CSMD1: variants seen among roughly 807,000 people sequenced by gnomAD.
CSMD1 encodes the protein CUB and sushi domain-containing protein 1.
In CSMD1, 213 loss-of-function variants were observed where a neutral mutation model predicts 417.5. The ratio of observed to expected loss-of-function variants is 0.51; its 90% confidence interval spans 0.46 to 0.57. The LOEUF is 0.57. CSMD1 is among the 20% of genes least tolerant of loss of function. The pLI is 0.00. For synonymous variants in CSMD1, 2,862 were observed against 1,736.8 expected, an observed-to-expected ratio of 1.65 and a Z score of -16.11; for missense variants, 6,923 against 4,529.7, an observed-to-expected ratio of 1.53 and a Z score of -15.17.
intron 2 of CSMD1, among the ~76,000 whole-genome samples, chr8:4,425,280 G>A (rs1159100557): frequency 4.0e-5 from 6 of 151,288 alleles, no homozygotes; most frequent in Non-Finnish European, 8.8e-5. Context: ...CTGTTCAGAG[G>A]TTTGGGGTAA....
intron 3 of CSMD1, among the ~76,000 whole-genome samples, chr8:4,143,549 C>A (rs985688494): frequency 2.6e-5 from 4 of 150,982 alleles, no homozygotes; most frequent in Non-Finnish European, 2.9e-5. Context: ...ATATTGTATA[C>A]TTGTAAGGCT....
intron 1 of CSMD1, among the ~76,000 whole-genome samples, chr8:4,899,976 A>G (rs1585290041): frequency 6.6e-6 from 1 of 152,090 alleles, no homozygotes; most frequent in Admixed American, 6.5e-5. Context: ...AATGGGTCTT[A>G]TTTTTAGTCT....
chr8:3,907,229 G>C (rs549559865), intron 5 of CSMD1, among the ~76,000 whole-genome samples: 1 of 152,132 alleles, frequency 6.6e-6, no homozygotes, highest in African/African-American at 2.4e-5. Context: ...AAATTTCTTG[G>C]AAAAGTGGAA....
chr8:3,363,366 G>T (rs1162896890), intron 20 of CSMD1, among the ~76,000 whole-genome samples: 1 of 152,066 alleles, frequency 6.6e-6, no homozygotes, highest in African/African-American at 2.4e-5. Context: ...GAATAATTTT[G>T]GTGTAAAAAC....
intron 3 of CSMD1, among the ~76,000 whole-genome samples, chr8:4,397,455 C>T (rs181782501): frequency 1.9e-4 from 28 of 148,762 alleles, no homozygotes; most frequent in Middle Eastern, 7.3e-3. Flanking sequence ...TCGGGAGATA[C>T]GTGATCTGTT....
At chr8:4,664,660 G>A (rs555033184) in intron 1 of CSMD1, among the ~76,000 whole-genome samples, 1 of 152,176 alleles carries the variant, frequency 6.6e-6, no homozygotes. Context: ...ATTCACATGT[G>A]CTTATTATTA....
intron 6 of CSMD1, among the ~76,000 whole-genome samples, chr8:3,745,429 T>C (rs1408018402): frequency 6.6e-6 from 1 of 152,174 alleles, no homozygotes; most frequent in Non-Finnish European, 1.5e-5. Context: ...AGAAAGGTCT[T>C]ACAAACAGGT....
At chr8:3,249,961 C>G (rs1800147900) in intron 26 of CSMD1, among the ~76,000 whole-genome samples, 1 of 152,108 alleles carries the variant, frequency 6.6e-6, no homozygotes, top group Non-Finnish European at 1.5e-5. Context: ...TTTTGCATGT[C>G]AGGTTAAAAA....
chr8:3,859,976 T>C (rs1354547588), intron 5 of CSMD1, among the ~76,000 whole-genome samples: 1 of 152,190 alleles, frequency 6.6e-6, no homozygotes, highest in South Asian at 2.1e-4. Context: ...TTTTCAAGCC[T>C]GAGGGTGGTT....
intron 2 of CSMD1, among the ~76,000 whole-genome samples, chr8:4,552,375 C>G (rs1399691103): frequency 6.6e-6 from 1 of 151,970 alleles, no homozygotes; most frequent in African/African-American, 2.4e-5. Context: ...TAAGGAAGAG[C>G]CTACTCAAAT....
At chr8:4,625,052 C>G (rs1466223145) in intron 2 of CSMD1, among the ~76,000 whole-genome samples, 5 of 152,230 alleles carry the variant, frequency 3.3e-5, no homozygotes, top group East Asian at 3.9e-4. Flanking sequence ...GGAAGAATGA[C>G]AGTCACATTT....
chr8:4,221,378 G>GAA (rs11340375), intron 3 of CSMD1, among the ~76,000 whole-genome samples: 22 of 134,736 alleles, frequency 1.6e-4, no homozygotes, highest in African/African-American at 3.9e-4. Context: ...AGGAAAGTGA[G>GAA]AAAAAAAAAA....
rs182454391 is a variant in CSMD1, at chr8:4,428,093, G to C, written c.303-8028C>G. ...TCGTTTTCATATCAGACAATATCAA[G>C]AGTGAATGGGATACATCTCTGATGC... is the stretch of plus-strand genomic sequence containing the variant. On this transcript the variant is annotated intron_variant, in intron 2 of 69. Coordinates refer to ENST00000635120, the MANE Select transcript of CSMD1 (RefSeq NM_033225.6). Among the ~76,000 whole-genome samples, 13 of 152,254 alleles carry C rather than the reference G, an allele frequency of 8.5e-5. No homozygotes were observed. In the East Asian group the frequency reaches 2.3e-3, roughly 27 times the overall value.
chr8:3,410,259 T>C (rs932080872), intron 12 of CSMD1, among the ~76,000 whole-genome samples: 12 of 152,268 alleles, frequency 7.9e-5, no homozygotes, highest in African/African-American at 2.4e-4. Flanking sequence ...TATTTATTTA[T>C]TCATTTAAAA....
intron 3 of CSMD1, among the ~76,000 whole-genome samples, chr8:4,046,397 C>T (rs1296763688): frequency 1.3e-5 from 2 of 152,094 alleles, no homozygotes; most frequent in Admixed American, 6.5e-5. Flanking sequence ...ATTACAAATC[C>T]ATGATTTTCA....
rs61494901 is a variant in CSMD1, at chr8:3,714,561, C to CAAAAAAAAAAAAAAAAAAAAAAAAAAAAA, written c.932-6071_932-6070insTTTTTTTTTTTTTTTTTTTTTTTTTTTTT. Reference sequence around the variant, plus strand: ...ACATGGCGAAACCCCATCTCTATCCCAAAAAAAAAAAAAAAAAAAATTAGC... The same window carrying CAAAAAAAAAAAAAAAAAAAAAAAAAAAAA: ...ACATGGCGAAACCCCATCTCTATCCCAAAAAAAAAAAAAAAAAAAAAAAAAAAAAAAAAAAAAAAAAAAAAAAAATTAGC... On this transcript the variant is annotated intron_variant, in intron 6 of 69. Transcript: ENST00000635120. Among the ~76,000 whole-genome samples the CAAAAAAAAAAAAAAAAAAAAAAAAAAAAA allele has an allele frequency of 1.7e-4, 12 of 70,576 alleles. 5 individuals are homozygous for CAAAAAAAAAAAAAAAAAAAAAAAAAAAAA. Among genetic ancestry groups the CAAAAAAAAAAAAAAAAAAAAAAAAAAAAA allele is most frequent in the African/African-American group, 6.6e-4 (12 of 18,152 alleles). The allele number at this position is 70,576 out of a possible 152,430, so 46.3% of individuals were successfully genotyped here.
At chr8:3,620,814 C>A (rs1600857) in intron 7 of CSMD1, among the ~76,000 whole-genome samples, 37,484 of 151,914 alleles carry the variant, frequency 0.25, 4,925 homozygotes, top group East Asian at 0.54. Context: ...TCAGAGCTAC[C>A]CTTTAAATAA....
chr8:4,751,574 C>T (rs1811329682), intron 1 of CSMD1, among the ~76,000 whole-genome samples: 1 of 152,102 alleles, frequency 6.6e-6, no homozygotes, highest in Admixed American at 6.5e-5. Flanking sequence ...AGCTTAATCT[C>T]ACCTACAGAT....
chr8:3,163,492 G>A (rs900266967), intron 37 of CSMD1, among the ~76,000 whole-genome samples: 29 of 151,744 alleles, frequency 1.9e-4, no homozygotes, highest in Non-Finnish European at 3.4e-4. Flanking sequence ...CAGAGAGGAC[G>A]CAGCTGCCTG....
Sources: gnomAD v4.1 joint callset for allele counts (sites outside exome capture counted in the v4.1 genomes callset) on GRCh38, gnomAD v4.1.1 for gene constraint, MANE v1.5 for transcripts, NCBI Gene and HGNC (gene_info 2026-07-23, HGNC 2026-07-21) for gene names.